CFAP54: variants seen among roughly 807,000 people sequenced by gnomAD.
CFAP54 encodes cilia and flagella associated protein 54, also known as cilia- and flagella-associated protein 54.
In CFAP54, 290 loss-of-function variants were observed where a neutral mutation model predicts 370.4. The observed-to-expected ratio is 0.78, with a 90% CI of 0.71 to 0.86. The LOEUF (loss-of-function observed/expected upper bound fraction) is 0.86, where lower values mean the gene tolerates loss of function less well. CFAP54 is among the 40% of genes least tolerant of loss of function. The pLI, the probability that CFAP54 is intolerant of heterozygous loss-of-function variation, is 0.00. For missense variants in CFAP54, 3,399 were observed against 3,528.7 expected (o/e 0.96, Z 0.93); for synonymous variants, 1,206 against 1,236.5 (o/e 0.98, Z 0.52).
intron 39 of CFAP54, among the ~76,000 whole-genome samples, chr12:96,674,937 C>CGAGAT (rs1957188799): frequency 1.3e-5 from 2 of 152,058 alleles, no homozygotes; most frequent in South Asian, 4.1e-4. Flanking sequence ...AAAATTAATT[C>CGAGAT]GAGATGGATT....
intron 42 of CFAP54, among the ~76,000 whole-genome samples, chr12:96,687,218 A>T (rs1957339799): frequency 6.6e-6 from 1 of 152,120 alleles, no homozygotes; most frequent in South Asian, 2.1e-4. Flanking sequence ...GATCCAGGAT[A>T]ATCTTCCTTA....
intron 1 of CFAP54, 108 bp downstream of exon 1, chr12:96,490,034 C>T (rs1158454510): frequency 6.6e-6 from 7 of 1,062,842 alleles, no homozygotes; most frequent in Non-Finnish European, 9.2e-6. Flanking sequence ...GTTGCGGACG[C>T]AGGGGCTGGC....
intron 65 of CFAP54, among the ~76,000 whole-genome samples, chr12:96,823,657 A>G (rs980073006): frequency 6.6e-6 from 1 of 152,204 alleles, no homozygotes; most frequent in Non-Finnish European, 1.5e-5. Context: ...TCACTAGGCC[A>G]TGAACTCCTT....
At chr12:96,741,923 A>T (rs141311938) in intron 51 of CFAP54, among the ~76,000 whole-genome samples, 55 of 152,350 alleles carry the variant, frequency 3.6e-4, no homozygotes, top group African/African-American at 1.2e-3. Flanking sequence ...TAGGCAAGAT[A>T]GTTAACCTTC....
intron 66 of CFAP54, among the ~76,000 whole-genome samples, chr12:96,856,009 A>G (rs572790222): frequency 3.9e-5 from 6 of 152,328 alleles, no homozygotes; most frequent in South Asian, 2.1e-4. Flanking sequence ...CCAAACCTCA[A>G]TTCTTTAGTT....
At chr12:96,539,738 A>G (rs996523722) in intron 13 of CFAP54, among the ~76,000 whole-genome samples, 2 of 152,248 alleles carry the variant, frequency 1.3e-5, no homozygotes, top group Non-Finnish European at 2.9e-5. Context: ...GCTTGGATCA[A>G]TTCAAAAAGA....
intron 26 of CFAP54, among the ~76,000 whole-genome samples, chr12:96,617,713 G>A (rs141720384): frequency 2.6e-4 from 40 of 152,136 alleles, no homozygotes; most frequent in Admixed American, 5.9e-4. Flanking sequence ...ATCTGCGGGC[G>A]GGGCGTGGTG....
At chr12:96,533,753 G>T in intron 9 of CFAP54, 39 bp from the exon 10 acceptor site, 2 of 1,361,686 alleles carry the variant, frequency 1.5e-6, no homozygotes, top group East Asian at 2.5e-5. Context: ...ATATTTATTT[G>T]CATGAGTGAT....
rs1565984853 is a variant in CFAP54, at chr12:96,806,182, AT to A, written c.8851-5553del. ...CAAATATATATATATATATATATAT[AT>A]ATATATATATATATATATATATATA... On this transcript the variant is annotated intron_variant, in intron 63 of 67. Coordinates refer to ENST00000524981, the MANE Select transcript of CFAP54 (RefSeq NM_001306084.2). 1.3e-3 allele frequency among the ~76,000 whole-genome samples: 98 copies of A among 77,042 alleles called. 6 individuals carry two copies. Among genetic ancestry groups the A allele is most frequent in the African/African-American group, 4.7e-3 (91 of 19,162 alleles). 50.5% of individuals were successfully genotyped at this position (77,042 alleles called of 152,430 possible).
chr12:96,679,575 A>T, intron 39 of CFAP54, 25 bp from the exon 40 acceptor site: 1 of 1,600,480 alleles, frequency 6.2e-7, no homozygotes, highest in South Asian at 1.1e-5. Context: ...TTCATCCCCA[A>T]TATTCCGCTT....
intron 66 of CFAP54, among the ~76,000 whole-genome samples, chr12:96,858,557 C>A (rs371192264): frequency 1.3e-5 from 2 of 152,144 alleles, no homozygotes; most frequent in Non-Finnish European, 2.9e-5. Flanking sequence ...TGTCATGAGA[C>A]CTTTGCTCAT....
At chr12:96,860,445 G>A (rs937789219) in intron 66 of CFAP54, among the ~76,000 whole-genome samples, 9 of 152,100 alleles carry the variant, frequency 5.9e-5, no homozygotes, top group African/African-American at 2.2e-4. Flanking sequence ...ATAGCTTCCT[G>A]GTGCATCCTT....
intron 48 of CFAP54, among the ~76,000 whole-genome samples, chr12:96,709,694 A>G (rs2136593076): frequency 9.3e-6 from 1 of 107,736 alleles, no homozygotes; most frequent in Admixed American, 9.3e-5. Context: ...GTCCCACTTG[A>G]TCATGGTTTA....
intron 39 of CFAP54, among the ~76,000 whole-genome samples, chr12:96,677,029 G>T (rs1178414069): frequency 2.0e-5 from 3 of 151,610 alleles, no homozygotes; most frequent in Admixed American, 1.3e-4. Flanking sequence ...TTGAGACAAG[G>T]TCTCACTCTG....
At chr12:96,604,197 T>C (rs951182521) in intron 26 of CFAP54, among the ~76,000 whole-genome samples, 5 of 152,180 alleles carry the variant, frequency 3.3e-5, no homozygotes, top group African/African-American at 1.2e-4. Flanking sequence ...TAGTTTTCCT[T>C]CTAATAGGCC....
chr12:96,741,894 G>A (rs1181222803), intron 51 of CFAP54, among the ~76,000 whole-genome samples: 7 of 152,244 alleles, frequency 4.6e-5, no homozygotes, highest in Middle Eastern at 3.4e-3. Flanking sequence ...TCCCACCTCC[G>A]TCAAAATATG....
chr12:96,828,259 G>T (rs1959150550), intron 65 of CFAP54, among the ~76,000 whole-genome samples: 1 of 151,206 alleles, frequency 6.6e-6, no homozygotes, highest in South Asian at 2.1e-4. Flanking sequence ...GGTAGTGTTT[G>T]TCAGTATGAG....
intron 5 of CFAP54, among the ~76,000 whole-genome samples, chr12:96,514,444 C>T: frequency 6.6e-6 from 1 of 152,346 alleles, no homozygotes; most frequent in African/African-American, 2.4e-5. Flanking sequence ...AGGGGGGACT[C>T]TCCCAGGCCT....
intron 1 of CFAP54, among the ~76,000 whole-genome samples, chr12:96,492,705 A>G (rs1311035471): frequency 3.3e-5 from 5 of 152,204 alleles, no homozygotes; most frequent in Admixed American, 3.3e-4. Context: ...AAGAGTTATT[A>G]TCCTTGGCCT....
Sources: allele counts gnomAD v4.1 joint callset (sites outside exome capture counted in the v4.1 genomes callset), GRCh38; gene constraint gnomAD v4.1.1; transcripts MANE v1.5; gene names NCBI Gene and HGNC (gene_info 2026-07-23, HGNC 2026-07-21).